CORO2B: variants seen among roughly 807,000 people sequenced by gnomAD.
CORO2B encodes the protein coronin 2B.
Under a neutral mutation model 58.8 loss-of-function variants are expected in CORO2B, and 26 were observed. The observed-to-expected ratio is 0.44, with a 90% CI of 0.32 to 0.61. CORO2B has a LOEUF of 0.61. Among genes scored for constraint, CORO2B ranks in the 20% least tolerant of loss-of-function variants. CORO2B has a pLI of 0.04. For missense variants in CORO2B, 460 were observed against 645.1 expected, an observed-to-expected ratio of 0.71 and a Z score of 3.11; for synonymous variants, 242 against 253.8, an observed-to-expected ratio of 0.95 and a Z score of 0.44.
intron 3 of CORO2B, among the ~76,000 whole-genome samples, chr15:68,704,039 T>TACACACAC (rs10566834): frequency 3.1e-5 from 4 of 128,034 alleles, no homozygotes; most frequent in African/African-American, 5.6e-5. Flanking sequence ...TACACACACA[T>TACACACAC]ACACACACAC....
At chr15:68,545,965 C>T in the CORO2B span, among the ~76,000 whole-genome samples, 24 of 152,172 alleles carry the variant, frequency 1.6e-4, no homozygotes, top group African/African-American at 4.6e-4. Context: ...TTGCTCAGCA[C>T]GGGGTCTCCT....
chr15:68,566,083 G>A, the CORO2B span, among the ~76,000 whole-genome samples: 24 of 152,244 alleles, frequency 1.6e-4, no homozygotes, highest in African/African-American at 5.3e-4. Flanking sequence ...CCATGCCTGC[G>A]TGCCCTGCCT....
At chr15:68,551,811 T>C in the CORO2B span, among the ~76,000 whole-genome samples, 3 of 152,232 alleles carry the variant, frequency 2.0e-5, no homozygotes, top group Admixed American at 6.5e-5. Flanking sequence ...TTTTCACTTA[T>C]AAAACATGAC....
intron 2 of CORO2B, among the ~76,000 whole-genome samples, chr15:68,688,638 C>T (rs10851788): frequency 0.89 from 135,271 of 152,226 alleles, 61,015 homozygotes; most frequent in South Asian, 0.97. Context: ...GCTCATGCCA[C>T]TAAATATTCT....
chr15:68,619,317 T>C (rs567756106), intron 1 of CORO2B, among the ~76,000 whole-genome samples: 1 of 152,216 alleles, frequency 6.6e-6, no homozygotes, highest in African/African-American at 2.4e-5. Flanking sequence ...TAGATTTTCA[T>C]CCTGCTGCAA....
chr15:68,657,087 T>A (rs1287002296), intron 2 of CORO2B, among the ~76,000 whole-genome samples: 2 of 152,220 alleles, frequency 1.3e-5, no homozygotes, highest in Admixed American at 1.3e-4. Flanking sequence ...CACTGAATAA[T>A]TTTATTCAAA....
At chr15:68,584,229 T>C (rs945048423) in intron 1 of CORO2B, among the ~76,000 whole-genome samples, 7 of 152,320 alleles carry the variant, frequency 4.6e-5, no homozygotes, top group South Asian at 2.1e-4. Flanking sequence ...GCAGGCTCTT[T>C]CCTTCCTTAC....
At chr15:68,552,834 G>A in the CORO2B span, among the ~76,000 whole-genome samples, 144 of 152,288 alleles carry the variant, frequency 9.5e-4, 1 homozygote, top group African/African-American at 3.4e-3. Flanking sequence ...GATTGCTGGG[G>A]TCACTACCTC....
chr15:68,676,269 T>C (rs1902582519), intron 2 of CORO2B, among the ~76,000 whole-genome samples: 1 of 152,244 alleles, frequency 6.6e-6, no homozygotes, highest in Non-Finnish European at 1.5e-5. Flanking sequence ...GGTGCTAACA[T>C]GACTGCTAGC....
chr15:68,534,478 T>TTC, the CORO2B span, among the ~76,000 whole-genome samples: 5 of 152,288 alleles, frequency 3.3e-5, no homozygotes, highest in East Asian at 9.7e-4. Context: ...GCTCAATGAG[T>TTC]AACTACTGGA....
chr15:68,582,540 C>G (rs1899454226), intron 1 of CORO2B, among the ~76,000 whole-genome samples: 1 of 152,182 alleles, frequency 6.6e-6, no homozygotes, highest in Non-Finnish European at 1.5e-5. Context: ...TTTTCTTGTT[C>G]TGTTCCATCT....
Position 68,668,550 on chromosome 15 carries a change from C to T in CORO2B, c.216+23190C>T, listed in dbSNP as rs77367507. On this transcript the variant is annotated intron_variant, in intron 2 of 11. Coordinates refer to ENST00000261861, the MANE Select transcript of CORO2B (RefSeq NM_006091.5). ...GGGATGGAGCCGGTCAAGTAAAGAG[C>T]ATGCGGAAGAGTAGTGCCCTAGAAA... 3.3e-3 allele frequency among the ~76,000 whole-genome samples: 509 copies of T among 152,262 alleles called. 19 individuals are homozygous for T. In the East Asian group the frequency reaches 0.088, roughly 26 times the overall value.
At chr15:68,716,910 G>T (rs1292720907) in intron 8 of CORO2B, among the ~76,000 whole-genome samples, 1 of 152,232 alleles carries the variant, frequency 6.6e-6, no homozygotes, top group Non-Finnish European at 1.5e-5. Flanking sequence ...GCATTAGCCT[G>T]GGAAAGGAGT....
the CORO2B span, among the ~76,000 whole-genome samples, chr15:68,542,054 G>A: frequency 5.3e-5 from 8 of 152,188 alleles, no homozygotes; most frequent in African/African-American, 9.7e-5. Flanking sequence ...TGTTTGTTGC[G>A]TCTTAGGGAT....
chr15:68,698,380 C>A (rs1344580465), intron 3 of CORO2B, among the ~76,000 whole-genome samples: 1 of 152,208 alleles, frequency 6.6e-6, no homozygotes, highest in Middle Eastern at 3.2e-3. Flanking sequence ...GTCTCAATTT[C>A]TCCTGCCTGG....
In CORO2B at chr15:68,632,101, A is replaced by G. The variant is rs4777077; in HGVS notation, c.16-13059A>G. 128,063 of 985,366 alleles carry G rather than the reference A, an allele frequency of 0.13. 8,741 individuals carry two copies. Among genetic ancestry groups the G allele is most frequent in the African/African-American group, 0.22 (12,837 of 57,304 alleles). The allele number at this position is 985,366 out of a possible 1,614,324, so 61.0% of individuals were successfully genotyped here. A position where few individuals can be genotyped will look rare whatever the true frequency, so the allele number is the denominator to read the frequency against. ...GCCTGGAATTTCGGAGCTAGAAGGT[A>G]GTCAGATTCCCGTTATCTTGACTGC... On this transcript the variant is annotated intron_variant, in intron 1 of 11. Coordinates refer to ENST00000261861, the MANE Select transcript of CORO2B (RefSeq NM_006091.5).
At chr15:68,650,884 G>A (rs750442841) in intron 2 of CORO2B, among the ~76,000 whole-genome samples, 1 of 152,218 alleles carries the variant, frequency 6.6e-6, no homozygotes, top group African/African-American at 2.4e-5. Flanking sequence ...ACTGGGTAAA[G>A]ACGAGGGGCC....
chr15:68,596,484 C>T (rs1243861959), intron 1 of CORO2B, among the ~76,000 whole-genome samples: 1 of 152,136 alleles, frequency 6.6e-6, no homozygotes, highest in Non-Finnish European at 1.5e-5. Context: ...CAGGAGCCTG[C>T]CTGCCACGGA....
intron 1 of CORO2B, among the ~76,000 whole-genome samples, chr15:68,638,438 A>G (rs756260631): frequency 6.6e-6 from 1 of 152,216 alleles, no homozygotes; most frequent in Non-Finnish European, 1.5e-5. Flanking sequence ...AAGGAAACTG[A>G]TATTCAGACA....
Sources: gnomAD v4.1 joint callset for allele counts (sites outside exome capture counted in the v4.1 genomes callset) on GRCh38, gnomAD v4.1.1 for gene constraint, MANE v1.5 for transcripts, NCBI Gene and HGNC (gene_info 2026-07-23, HGNC 2026-07-21) for gene names.